PPP2R1B: variants seen among roughly 807,000 people sequenced by gnomAD.
The protein encoded by PPP2R1B is serine/threonine-protein phosphatase 2A 65 kDa regulatory subunit A beta isoform.
PPP2R1B carries 58 observed loss-of-function variants against 72.7 expected under a neutral mutation model. That is an observed-to-expected ratio of 0.80 (90% CI 0.65 to 0.99). The LOEUF is 0.99. Among genes scored for constraint, PPP2R1B ranks in the 50% least tolerant of loss-of-function variants. The pLI is 0.00. For synonymous variants in PPP2R1B, 256 were observed against 264.6 expected (o/e 0.97, Z 0.32); for missense variants, 695 against 733.6 (o/e 0.95, Z 0.61).
At chr11:111,722,819 T>G, downstream of PPP2R1B, 1 of 1,451,604 alleles carries the variant, frequency 6.9e-7, no homozygotes, top group Non-Finnish European at 9.6e-7. The surrounding 1 kb of genome is among the most constrained non-coding windows in gnomAD (Gnocchi z 4.4). Flanking sequence ...GAACACTGAA[T>G]GTGTTGTCCT....
Position 111,765,279 on chromosome 11 carries a change from C to A in PPP2R1B, c.205+15G>T. The A allele has an allele frequency of 6.3e-7, 1 of 1,595,080 alleles. No homozygotes were observed. The highest frequency in any genetic ancestry group is 8.6e-7 in the Non-Finnish European group (1 of 1,164,396). On this transcript the variant is annotated intron_variant, in intron 2 of 14. Transcript: ENST00000527614. ...TGGAATGTCCCTACCTTTCTTTAAA[C>A]AAAGATTCACATACCTGTAAGAAAT...
At chr11:111,709,560 T>A in the PPP2R1B span, among the ~76,000 whole-genome samples, 1 of 152,246 alleles carries the variant, frequency 6.6e-6, no homozygotes, top group Non-Finnish European at 1.5e-5. Flanking sequence ...TTGGACATAA[T>A]CATTGCGTAT....
intron 15 of PPP2R1B, among the ~76,000 whole-genome samples, chr11:111,732,283 A>G (rs1944217498): frequency 1.3e-5 from 2 of 152,360 alleles, no homozygotes; most frequent in Admixed American, 6.5e-5. Context: ...GCATGTACAC[A>G]GACCCAGAAC....
In PPP2R1B at chr11:111,738,427, G is replaced by A. The variant is rs1484224172; in HGVS notation, c.*3169C>T. On this transcript the variant is annotated 3_prime_UTR_variant, in exon 15 of 15. Transcript: ENST00000527614. ...GGGCAAGCCCCAGCCTTTCAGTTTA[G>A]TGACAACACAACAGTTAACAAAGGA... is the stretch of plus-strand genomic sequence containing the variant. The A allele has an allele frequency of 1.0e-6, 1 of 985,396 alleles. No individual in the cohort carries two copies. The highest frequency in any genetic ancestry group is 1.1e-4 in the East Asian group (1 of 8,828). The allele number at this position is 985,396 out of a possible 1,614,324, so 61.0% of individuals were successfully genotyped here.
In PPP2R1B at chr11:111,741,610, G is replaced by T; in HGVS notation, c.1792C>A (p.Leu598Ile). ...CCTGCTCCTCATTATGCCAATGCAA[G>T]AACTGGAAAATTCCAAACAAAATCA... ...KYFAQEAISVLALA is the reference protein window; with the variant it reads ...KYFAQEAISVIALA The change falls in exon 15 of 15, where the codon CTT becomes ATT. Residue 598 changes from leucine (L) to isoleucine (I), a missense_variant and splice_region_variant. Leu to Ile is a conservative substitution (Grantham distance 5). Transcript: ENST00000527614. 6.2e-7 allele frequency: 1 copy of T among 1,613,080 alleles called. No individual in the cohort carries two copies. Among genetic ancestry groups the T allele is most frequent in the Middle Eastern group, 1.7e-4 (1 of 6,058 alleles).
At chr11:111,757,040 G>A (rs1945146748) in intron 5 of PPP2R1B, among the ~76,000 whole-genome samples, 1 of 151,848 alleles carries the variant, frequency 6.6e-6, no homozygotes, top group Non-Finnish European at 1.5e-5. Context: ...CTTGAACCCA[G>A]GAGGCAGAGG....
chr11:111,752,912 G>T (rs1555048418), intron 9 of PPP2R1B, among the ~76,000 whole-genome samples: 1 of 152,182 alleles, frequency 6.6e-6, no homozygotes, highest in East Asian at 1.9e-4. Context: ...GCAGTGAGCA[G>T]AGATTGCGCC....
chr11:111,732,069 C>T (rs1246056861), intron 15 of PPP2R1B, among the ~76,000 whole-genome samples: 2 of 152,202 alleles, frequency 1.3e-5, no homozygotes, highest in African/African-American at 4.8e-5. Context: ...GGGAGGCCTG[C>T]ACCCCAAACC....
At chr11:111,690,334 C>T in the PPP2R1B span, among the ~76,000 whole-genome samples, 1 of 150,670 alleles carries the variant, frequency 6.6e-6, no homozygotes, top group Non-Finnish European at 1.5e-5. Flanking sequence ...TCCTGCTACA[C>T]CTTTACATTC....
intron 12 of PPP2R1B, 75 bp downstream of exon 12, chr11:111,743,301 T>C: frequency 7.2e-7 from 1 of 1,393,390 alleles, no homozygotes; most frequent in Non-Finnish European, 9.9e-7. Context: ...GACAGTATAC[T>C]GATAATTCAG....
chr11:111,709,612 G>A, the PPP2R1B span, among the ~76,000 whole-genome samples: 1 of 152,026 alleles, frequency 6.6e-6, no homozygotes, highest in Non-Finnish European at 1.5e-5. Context: ...TGCTTCCTTG[G>A]GATATTGACC....
At chr11:111,723,868 C>T (rs1200019542), downstream of PPP2R1B, 17 of 1,613,706 alleles carry the variant, frequency 1.1e-5, no homozygotes, top group Non-Finnish European at 1.4e-5. Context: ...CTGCCCCAGC[C>T]CCCTTACAGT....
At chr11:111,766,121 T>G (rs1945527332) in intron 1 of PPP2R1B, 127 bp downstream of exon 1, 2 of 864,466 alleles carry the variant, frequency 2.3e-6, no homozygotes, top group Non-Finnish European at 3.6e-6. Flanking sequence ...CCGCCTCCCC[T>G]TCAAGTTTCT....
chr11:111,741,404 G>A lies in PPP2R1B; in HGVS notation c.*192C>T, dbSNP rs45482394. ...ACGGCTTAAATAATGATTTAACAAG[G>A]AAGACGAGTAAAAAACAATCCCATT... On this transcript the variant is annotated 3_prime_UTR_variant, in exon 15 of 15. Transcript: ENST00000527614. The A allele has an allele frequency of 7.3e-4, 1,029 of 1,402,446 alleles. 2 individuals are homozygous for A. Among genetic ancestry groups the A allele is most frequent in the Admixed American group, 8.8e-4 (26 of 29,430 alleles). The allele number at this position is 1,402,446 out of a possible 1,614,324, so 86.9% of individuals were successfully genotyped here. A position where few individuals can be genotyped will look rare whatever the true frequency, so the allele number is the denominator to read the frequency against.
At chr11:111,722,624 C>T (rs1340631011), downstream of PPP2R1B, 4 of 1,581,444 alleles carry the variant, frequency 2.5e-6, no homozygotes, top group Middle Eastern at 1.7e-4. This position sits in a 1 kb window ranked among gnomAD's most constrained non-coding sequence, Gnocchi z 4.4. Context: ...TCCTAGGTGA[C>T]AGCACATTGT....
chr11:111,705,256 A>G, the PPP2R1B span: 2 of 1,122,708 alleles, frequency 1.8e-6, no homozygotes, highest in Non-Finnish European at 2.3e-6. This position sits in a 1 kb window ranked among gnomAD's most constrained non-coding sequence, Gnocchi z 4.3. Context: ...TTTTTCTGTA[A>G]AATTTCTGCC....
chr11:111,739,103 G>T lies in PPP2R1B; in HGVS notation c.*2493C>A, dbSNP rs1287071057. On this transcript the variant is annotated 3_prime_UTR_variant, in exon 15 of 15. Coordinates refer to ENST00000527614, the MANE Select transcript of PPP2R1B (RefSeq NM_002716.5). ...AGCAGGAAAATCTTTCTGTCAGTGG[G>T]AGAATAAGACACAGTCTGGTTCTTT... 1 of 985,368 alleles carries T rather than the reference G, an allele frequency of 1.0e-6. No individual in the cohort carries two copies. 61.0% of individuals were successfully genotyped at this position (985,368 alleles called of 1,614,324 possible).
rs567092449 is a variant in PPP2R1B, at chr11:111,738,564, G to A, written c.*3032C>T. ...AAGCCAGCTCAAAGGTCAGGCTGCC[G>A]TCTCTGTTGAGTCAGGACAAGTTGT... On this transcript the variant is annotated 3_prime_UTR_variant, in exon 15 of 15. Coordinates refer to ENST00000527614, the MANE Select transcript of PPP2R1B (RefSeq NM_002716.5). 67 of 985,486 alleles carry A rather than the reference G, an allele frequency of 6.8e-5. No homozygotes were observed. Among genetic ancestry groups the A allele is most frequent in the Admixed American group, 1.2e-4 (2 of 16,290 alleles). 61.0% of individuals were successfully genotyped at this position (985,486 alleles called of 1,614,324 possible).
In PPP2R1B at chr11:111,761,831, C is replaced by A. The variant is rs189883516; in HGVS notation, c.307-780G>T. 2.8e-3 allele frequency among the ~76,000 whole-genome samples: 430 copies of A among 152,236 alleles called. 2 individuals carry two copies. The highest frequency in any genetic ancestry group is 9.6e-3 in the African/African-American group (399 of 41,546). ...AAAATTAGCCAGACATGGTGGCACACGCCTGTAAACCCAGCTTACTCAGGA... is the reference window on the plus strand; with the variant it reads ...AAAATTAGCCAGACATGGTGGCACAAGCCTGTAAACCCAGCTTACTCAGGA... On this transcript the variant is annotated intron_variant, in intron 3 of 14. Transcript: ENST00000527614.
Sources: allele counts gnomAD v4.1 joint callset (sites outside exome capture counted in the v4.1 genomes callset), GRCh38; gene constraint gnomAD v4.1.1; non-coding constraint Gnocchi (gnomAD v3.1); transcripts MANE v1.5; gene names NCBI Gene and HGNC (gene_info 2026-07-23, HGNC 2026-07-21).